NAPG: variants seen among roughly 807,000 people sequenced by gnomAD.
NAPG encodes gamma-soluble NSF attachment protein.
NAPG carries 25 observed loss-of-function variants against 48.4 expected under a neutral mutation model. The observed-to-expected ratio is 0.52, with a 90% CI of 0.38 to 0.72. NAPG has a LOEUF of 0.72. Ranked by LOEUF, NAPG falls within the 30% of genes least tolerant of loss-of-function variation. NAPG has a pLI of 0.00. For missense variants in NAPG, 359 were observed against 372.5 expected, an observed-to-expected ratio of 0.96 and a Z score of 0.30; for synonymous variants, 139 against 127.2, an observed-to-expected ratio of 1.09 and a Z score of -0.62.
At position 10,539,897 on chromosome 18, in the gene NAPG, G is replaced by C. The variant is rs752377537; in HGVS notation, c.368+26G>C. 3 of 1,608,512 alleles carry C rather than the reference G, an allele frequency of 1.9e-6. No individual in the cohort carries two copies. The highest frequency in any genetic ancestry group is 2.7e-5 in the African/African-American group (2 of 74,770). ...GTGAGTGTGAGATGGACAAGTCTCT[G>C]CATAGAAGTCTTGTCTTTTTGTTTT... On this transcript the variant is annotated intron_variant, in intron 6 of 11. Coordinates refer to ENST00000322897, the MANE Select transcript of NAPG (RefSeq NM_003826.3). This position sits in a 1 kb window ranked among gnomAD's most constrained non-coding sequence, Gnocchi z 4.7.
intron 5 of NAPG, among the ~76,000 whole-genome samples, chr18:10,538,948 C>T (rs1313224486): frequency 6.6e-6 from 1 of 151,998 alleles, no homozygotes; most frequent in Non-Finnish European, 1.5e-5. Flanking sequence ...ATCAAAACCA[C>T]AATGAGATCT....
At position 10,544,063 on chromosome 18, in the gene NAPG, A is replaced by G. The variant is rs2032211003; in HGVS notation, c.507-2263A>G. Reference sequence around the variant, plus strand: ...AGTTTAAAATACTGAGATTGCTAATAGAATGATATAATCTAGACACGACGG... The same window carrying G: ...AGTTTAAAATACTGAGATTGCTAATGGAATGATATAATCTAGACACGACGG... On this transcript the variant is annotated intron_variant, in intron 8 of 11. Coordinates refer to ENST00000322897, the MANE Select transcript of NAPG (RefSeq NM_003826.3). This position sits in a 1 kb window ranked among gnomAD's most constrained non-coding sequence, Gnocchi z 5.1. Among the ~76,000 whole-genome samples, 1 of 152,264 alleles carries G rather than the reference A, an allele frequency of 6.6e-6. No individual in the cohort carries two copies.
intron 2 of NAPG, among the ~76,000 whole-genome samples, chr18:10,532,333 C>T (rs2031944425): frequency 6.6e-6 from 1 of 151,966 alleles, no homozygotes; most frequent in African/African-American, 2.4e-5. Flanking sequence ...TGACCTATAC[C>T]CAAAATACCG....
chr18:10,536,830 G>T (rs143325026), intron 5 of NAPG, among the ~76,000 whole-genome samples: 2 of 152,098 alleles, frequency 1.3e-5, no homozygotes, highest in East Asian at 3.9e-4. Context: ...GTAATTAGTG[G>T]GTAGGTATAT....
Position 10,546,375 on chromosome 18 carries a change from G to A in NAPG, c.556G>A (p.Glu186Lys), listed in dbSNP as rs955451638. ...SIQKEKNIYK[E>K]IENYPTCYKK... is the part of the protein sequence containing the mutation. Reference sequence around the variant, plus strand: ...TCAGAAAGAAAAAAATATTTATAAGGAAATTGAGAATTATCCAACTTGTTA... The same window carrying A: ...TCAGAAAGAAAAAAATATTTATAAGAAAATTGAGAATTATCCAACTTGTTA... The change falls in exon 9 of 12, where the codon GAA becomes AAA. Residue 186 changes from glutamate to lysine, a missense_variant. By Grantham distance (56) the Glu-to-Lys change is moderately conservative. Coordinates refer to ENST00000322897, the MANE Select transcript of NAPG (RefSeq NM_003826.3). This position sits in a 1 kb window ranked among gnomAD's most constrained non-coding sequence, Gnocchi z 4.0. 2 of 1,570,844 alleles carry A rather than the reference G, an allele frequency of 1.3e-6. No homozygotes were observed. The highest frequency in any genetic ancestry group is 3.6e-5 in the Admixed American group (2 of 55,672).
At chr18:10,527,042 G>A (rs1238497293) in intron 1 of NAPG, among the ~76,000 whole-genome samples, 1 of 151,996 alleles carries the variant, frequency 6.6e-6, no homozygotes, top group Admixed American at 6.5e-5. Context: ...CAAAAAATTA[G>A]CCGGGCGTGG....
At chr18:10,531,103 G>A (rs546251291) in intron 2 of NAPG, among the ~76,000 whole-genome samples, 4 of 152,202 alleles carry the variant, frequency 2.6e-5, no homozygotes, top group African/African-American at 7.2e-5. Context: ...TTTTAGCGTT[G>A]CTTATATATT....
intron 5 of NAPG, among the ~76,000 whole-genome samples, chr18:10,536,763 TC>T (rs1329567189): frequency 6.6e-6 from 1 of 152,176 alleles, no homozygotes; most frequent in Non-Finnish European, 1.5e-5. Context: ...GACGAATAGT[TC>T]CTGTGGTTTT....
In NAPG at chr18:10,551,071, G is replaced by A. The variant is rs1346789081; in HGVS notation, c.*851G>A. 1 of 151,436 alleles carries A rather than the reference G, an allele frequency of 6.6e-6. No individual in the cohort carries two copies. The highest frequency in any genetic ancestry group is 2.4e-5 in the African/African-American group (1 of 41,258). The allele number at this position is 151,436 out of a possible 1,614,324, so 9.4% of individuals were successfully genotyped here. ...TGCAGTGGCACAATCACGGCTCCCAGGCTAATGTTTTTATTTTTAATTTGT... is the reference window on the plus strand; with the variant it reads ...TGCAGTGGCACAATCACGGCTCCCAAGCTAATGTTTTTATTTTTAATTTGT... On this transcript the variant is annotated 3_prime_UTR_variant, in exon 12 of 12. Coordinates refer to ENST00000322897, the MANE Select transcript of NAPG (RefSeq NM_003826.3).
chr18:10,527,203 A>AAAAG (rs985697687), intron 1 of NAPG, among the ~76,000 whole-genome samples: 2 of 149,464 alleles, frequency 1.3e-5, no homozygotes, highest in African/African-American at 4.9e-5. Flanking sequence ...AAAAAAAAAA[A>AAAAG]AAGAAAAGAA....
Position 10,550,301 on chromosome 18 carries a change from A to C in NAPG, c.*81A>C. On this transcript the variant is annotated 3_prime_UTR_variant, in exon 12 of 12. Transcript: ENST00000322897. ...TCAAGGACTTGGGAATAGATTAGGG[A>C]TATCCGTACTTCATTACAGTCATGA... 1 of 1,413,834 alleles carries C rather than the reference A, an allele frequency of 7.1e-7. No individual in the cohort carries two copies. The highest frequency in any genetic ancestry group is 9.4e-7 in the Non-Finnish European group (1 of 1,065,480). 87.6% of individuals were successfully genotyped at this position (1,413,834 alleles called of 1,614,324 possible).
At chr18:10,549,656 A>G (rs1442873175) in intron 11 of NAPG, among the ~76,000 whole-genome samples, 6 of 152,328 alleles carry the variant, frequency 3.9e-5, no homozygotes, top group South Asian at 2.1e-4. Flanking sequence ...AACCATGACT[A>G]TAAGTTTTTA....
chr18:10,531,277 C>T (rs2031922974), intron 2 of NAPG, among the ~76,000 whole-genome samples: 1 of 152,142 alleles, frequency 6.6e-6, no homozygotes, highest in Non-Finnish European at 1.5e-5. Flanking sequence ...CTTTTATGAA[C>T]CTCACTTTGA....
In NAPG at chr18:10,539,244, AC is replaced by A. The variant is rs1179989084; in HGVS notation, c.259-517del. The stretch of plus-strand genomic sequence containing the variant: ...TGTAGCACCATTTACAATAGCAAAG[AC>A]ATGGAACCAACCCAAATGCCCATCA... On this transcript the variant is annotated intron_variant, in intron 5 of 11. Coordinates refer to ENST00000322897, the MANE Select transcript of NAPG (RefSeq NM_003826.3). This position sits in a 1 kb window ranked among gnomAD's most constrained non-coding sequence, Gnocchi z 4.7. 1 of 153,920 alleles carries A rather than the reference AC, an allele frequency of 6.5e-6. No homozygotes were observed. The highest frequency in any genetic ancestry group is 2.4e-5 in the African/African-American group (1 of 41,468). The allele number at this position is 153,920 out of a possible 1,614,324, so 9.5% of individuals were successfully genotyped here.
intron 7 of NAPG, 92 bp downstream of exon 7, chr18:10,540,146 A>T: frequency 8.4e-7 from 1 of 1,196,308 alleles, no homozygotes. Flanking sequence ...GCTACTTTTA[A>T]AACTTTTCCC....
In NAPG at chr18:10,534,387, C is replaced by A; in HGVS notation, c.228-79C>A. On this transcript the variant is annotated intron_variant, in intron 4 of 11. Transcript: ENST00000322897. This position sits in a 1 kb window ranked among gnomAD's most constrained non-coding sequence, Gnocchi z 5.0. ...TTGTAATTGAAGTCACTTTCCTTAC[C>A]AGTAGTTCCTCACCAGAAAGTTTCT... 1 of 1,198,420 alleles carries A rather than the reference C, an allele frequency of 8.3e-7. No homozygotes were observed. The allele number at this position is 1,198,420 out of a possible 1,614,324, so 74.2% of individuals were successfully genotyped here.
At position 10,532,691 on chromosome 18, in the gene NAPG, A is replaced by C. The variant is rs532757726; in HGVS notation, c.125-20A>C. On this transcript the variant is annotated intron_variant, in intron 2 of 11. Transcript: ENST00000322897. ...GAGGTTTTTAATGATGGAAATAGTC[A>C]ATTTTTTTTTCTATTTCAGCTGTTG... 10 of 1,547,054 alleles carry C rather than the reference A, an allele frequency of 6.5e-6. No individual in the cohort carries two copies. Among genetic ancestry groups the C allele is most frequent in the South Asian group, 4.9e-5 (4 of 82,034 alleles).
intron 5 of NAPG, among the ~76,000 whole-genome samples, chr18:10,536,796 A>T (rs16974752): frequency 0.099 from 14,984 of 152,022 alleles, 990 homozygotes; most frequent in East Asian, 0.24. Context: ...AAATGCTTTT[A>T]TGTTGTAGAT....
Position 10,550,141 on chromosome 18 carries a change from C to A in NAPG, c.860C>A (p.Thr287Lys), listed in dbSNP as rs764773999. Residue 287 changes from threonine to lysine, a missense_variant, in exon 12 of 12, where the codon ACA becomes AAA. Coordinates refer to ENST00000322897, the MANE Select transcript of NAPG (RefSeq NM_003826.3). ...GGGIKKKSPA[T>K]PQAKPDGVTA... Reference sequence around the variant, plus strand: ...GGAATCAAGAAGAAATCACCTGCAACACCACAGGCCAAGCCTGATGGTGTC... The same window carrying A: ...GGAATCAAGAAGAAATCACCTGCAAAACCACAGGCCAAGCCTGATGGTGTC... 2.5e-6 allele frequency: 4 copies of A among 1,578,470 alleles called. No individual in the cohort carries two copies. In the African/African-American group the frequency reaches 5.5e-5, roughly 22 times the overall value.
Sources: gnomAD v4.1 joint callset for allele counts (sites outside exome capture counted in the v4.1 genomes callset) on GRCh38, gnomAD v4.1.1 for gene constraint, Gnocchi (gnomAD v3.1) non-coding constraint, MANE v1.5 for transcripts, NCBI Gene and HGNC (gene_info 2026-07-23, HGNC 2026-07-21) for gene names.